Variants in AGMO observed in about 807,000 individuals in gnomAD.
AGMO encodes glyceryl-ether monooxygenase.
AGMO carries 75 observed loss-of-function variants against 60.2 expected under a neutral mutation model. The ratio of observed to expected loss-of-function variants is 1.25; its 90% CI spans 1.03 to 1.51. AGMO has a LOEUF of 1.51. Ranked by LOEUF, AGMO falls within the 40% of genes most tolerant of loss-of-function variation. The pLI is 0.00. For missense variants in AGMO, 763 were observed against 525.5 expected, an observed-to-expected ratio of 1.45 and a Z score of -4.42; for synonymous variants, 261 against 177.1, an observed-to-expected ratio of 1.47 and a Z score of -3.76.
intron 3 of AGMO, among the ~76,000 whole-genome samples, chr7:15,502,376 C>A (rs1370096539): frequency 2.0e-5 from 3 of 151,782 alleles, no homozygotes; most frequent in Non-Finnish European, 1.5e-5. Context: ...GGCTGAGAAG[C>A]AATTTATAAT....
At chr7:15,150,665 GTGAATTAGCTT>G in the AGMO span, among the ~76,000 whole-genome samples, 5 of 152,100 alleles carry the variant, frequency 3.3e-5, no homozygotes, top group Non-Finnish European at 7.4e-5. Flanking sequence ...CCTGATCATG[GTGAATTAGCTT>G]TTTAATGTAC....
At chr7:15,269,099 T>C (rs1783520064) in intron 12 of AGMO, among the ~76,000 whole-genome samples, 1 of 152,104 alleles carries the variant, frequency 6.6e-6, no homozygotes, top group Admixed American at 6.6e-5. Flanking sequence ...TATTCAACTC[T>C]GCCAATGTAA....
chr7:15,379,058 AAACT>A (rs1321749249), intron 10 of AGMO, among the ~76,000 whole-genome samples: 3 of 152,098 alleles, frequency 2.0e-5, no homozygotes, highest in Non-Finnish European at 4.4e-5. Flanking sequence ...AAGTTCTTTG[AAACT>A]AATGAGAACA....
At chr7:15,246,780 CTG>C (rs1212078233) in intron 12 of AGMO, among the ~76,000 whole-genome samples, 12 of 152,146 alleles carry the variant, frequency 7.9e-5, no homozygotes, top group African/African-American at 2.4e-4. Context: ...CCCTTTCATC[CTG>C]CTTCTAGCTA....
rs568987594 is a variant in AGMO, at chr7:15,321,188, C to T, written c.1263+44326G>A. ...GAATTAATAGAATGCTATTTCTATT[C>T]CTCACTTAGACAATTTAGGGTGAAC... On this transcript the variant is annotated intron_variant, in intron 12 of 12. Transcript: ENST00000342526. 3.7e-4 allele frequency among the ~76,000 whole-genome samples: 56 copies of T among 152,198 alleles called. No homozygotes were observed. The Middle Eastern group carries it at 0.01, about 28-fold the overall frequency.
intron 3 of AGMO, among the ~76,000 whole-genome samples, chr7:15,467,960 T>G (rs1404824806): frequency 6.6e-6 from 1 of 152,202 alleles, no homozygotes; most frequent in Non-Finnish European, 1.5e-5. Context: ...CAAACTCAAC[T>G]TCCCCTTTGA....
At chr7:15,462,752 A>AT (rs1006383994) in intron 3 of AGMO, among the ~76,000 whole-genome samples, 8 of 152,238 alleles carry the variant, frequency 5.3e-5, no homozygotes, top group Non-Finnish European at 1.0e-4. Flanking sequence ...AACTTCATAT[A>AT]TGCAATCAAT....
intron 12 of AGMO, among the ~76,000 whole-genome samples, chr7:15,218,730 C>T (rs1029080840): frequency 5.3e-5 from 8 of 152,080 alleles, no homozygotes; most frequent in African/African-American, 1.9e-4. Flanking sequence ...GATATTCCTG[C>T]TGGCCTGAGA....
intron 12 of AGMO, among the ~76,000 whole-genome samples, chr7:15,306,962 CT>C (rs1243268206): frequency 6.6e-6 from 1 of 151,772 alleles, no homozygotes; most frequent in Non-Finnish European, 1.5e-5. Context: ...TTAAAGCATA[CT>C]GAATTTTGGT....
intron 10 of AGMO, among the ~76,000 whole-genome samples, chr7:15,374,917 C>G (rs1013720934): frequency 6.6e-6 from 1 of 151,984 alleles, no homozygotes. Flanking sequence ...TCAGCTCATG[C>G]GTGATACCCT....
At chr7:15,161,047 C>T in the AGMO span, among the ~76,000 whole-genome samples, 1 of 152,086 alleles carries the variant, frequency 6.6e-6, no homozygotes, top group Non-Finnish European at 1.5e-5. Flanking sequence ...CCCACTTGCA[C>T]AATAATGAAC....
chr7:15,379,181 G>T (rs1411793333), intron 10 of AGMO, among the ~76,000 whole-genome samples: 1 of 151,912 alleles, frequency 6.6e-6, no homozygotes, highest in Non-Finnish European at 1.5e-5. Context: ...AACATCTCAA[G>T]TTCACAACCT....
At chr7:15,404,270 C>T (rs1365856851) in intron 5 of AGMO, among the ~76,000 whole-genome samples, 1 of 151,802 alleles carries the variant, frequency 6.6e-6, no homozygotes, top group African/African-American at 2.4e-5. Flanking sequence ...AATAAATTAT[C>T]TTGAAGGCTG....
chr7:15,137,799 A>C, the AGMO span, among the ~76,000 whole-genome samples: 1 of 152,202 alleles, frequency 6.6e-6, no homozygotes, highest in Non-Finnish European at 1.5e-5. Context: ...CTAGGGAGTG[A>C]AATGACTAAA....
At chr7:15,453,229 T>C (rs1781900714) in intron 3 of AGMO, among the ~76,000 whole-genome samples, 1 of 152,166 alleles carries the variant, frequency 6.6e-6, no homozygotes, top group Non-Finnish European at 1.5e-5. Flanking sequence ...GTATGTTAAT[T>C]ATATCTCAAT....
chr7:15,342,731 C>A (rs1223824962), intron 12 of AGMO, among the ~76,000 whole-genome samples: 1 of 117,696 alleles, frequency 8.5e-6, no homozygotes, highest in African/African-American at 3.2e-5. Flanking sequence ...ATTTTCTGAT[C>A]AACATAGTCA....
chr7:15,360,732 G>T (rs1782719557), intron 12 of AGMO, among the ~76,000 whole-genome samples: 1 of 151,960 alleles, frequency 6.6e-6, no homozygotes, highest in Non-Finnish European at 1.5e-5. Flanking sequence ...ACATATACAT[G>T]GACCTGTGCA....
intron 12 of AGMO, among the ~76,000 whole-genome samples, chr7:15,214,692 A>G (rs932609498): frequency 1.3e-5 from 2 of 152,058 alleles, no homozygotes. Flanking sequence ...TTTATTTTTA[A>G]TATTGAACCT....
intron 2 of AGMO, among the ~76,000 whole-genome samples, chr7:15,548,896 A>G (rs531072558): frequency 0.033 from 5,026 of 151,804 alleles, 285 homozygotes; most frequent in African/African-American, 0.12. Context: ...GAAGGAAAAA[A>G]TGTTAAGGGC....
Sources: allele counts gnomAD v4.1 joint callset (sites outside exome capture counted in the v4.1 genomes callset), GRCh38; gene constraint gnomAD v4.1.1; transcripts MANE v1.5; gene names NCBI Gene and HGNC (gene_info 2026-07-23, HGNC 2026-07-21).